Variants in ELP2 observed in about 807,000 individuals in gnomAD.
ELP2 encodes elongator acetyltransferase complex subunit 2, also known as elongator complex protein 2.
In ELP2, 90 loss-of-function variants were observed where a neutral mutation model predicts 119.2. That is an observed-to-expected ratio of 0.75 (90% CI 0.64 to 0.90). ELP2 has a LOEUF of 0.90. ELP2 is among the 40% of genes least tolerant of loss of function. The pLI is 0.00. For missense variants in ELP2, 921 were observed against 967.8 expected (o/e 0.95, Z 0.64); for synonymous variants, 339 against 331.0 (o/e 1.02, Z -0.26).
chr18:36,133,896 GGTT>G (rs1598733752), intron 2 of ELP2, among the ~76,000 whole-genome samples: 1 of 114,754 alleles, frequency 8.7e-6, no homozygotes, highest in East Asian at 2.3e-4. Flanking sequence ...GTTTTTTAGG[GGTT>G]TTTTTTTTTT....
rs769016483 is a variant in ELP2 at position 36,159,983 on chromosome 18, G to A, written c.1656G>A (p.Leu552=). 8 of 1,613,942 alleles carry A rather than the reference G, an allele frequency of 5.0e-6. No homozygotes were observed. The highest frequency in any genetic ancestry group is 4.0e-5 in the African/African-American group (3 of 74,920). The part of the protein sequence containing the change: ...LTEPPTEDHL[L]QNTLWPEVQK... ...AGCCTCCCACTGAGGATCATCTTCT[G>A]CAGAATACTTTGTGGCCTGAAGTTC... The change falls in exon 16 of 22, where the codon CTG becomes CTA. Residue 552 remains leucine (L), a synonymous_variant. Transcript: ENST00000358232.
At chr18:36,165,896 T>G (rs2090880864) in intron 18 of ELP2, among the ~76,000 whole-genome samples, 1 of 151,128 alleles carries the variant, frequency 6.6e-6, no homozygotes, top group Non-Finnish European at 1.5e-5. Flanking sequence ...AAATAAAAAA[T>G]AAGTTAAAGT....
rs1239631733 is a variant in ELP2 at position 36,149,478 on chromosome 18, G to GTTTTTTTTTTTT, written c.1125+3101_1125+3102insTTTTTTTTTTTT. ...TAGAAACATAGTTGCAGGGTTTTTTGTTTTGTTTTGTTTTTTTTTTTTTTG... is the reference window on the plus strand; with the variant it reads ...TAGAAACATAGTTGCAGGGTTTTTTGTTTTTTTTTTTTTTTTGTTTTGTTTTTTTTTTTTTTG... On this transcript the variant is annotated intron_variant, in intron 11 of 21. Transcript: ENST00000358232. Among the ~76,000 whole-genome samples the GTTTTTTTTTTTT allele has an allele frequency of 1.6e-3, 100 of 64,448 alleles. 1 individual carries two copies. The highest frequency in any genetic ancestry group is 2.7e-3 in the South Asian group (6 of 2,226). 42.3% of individuals were successfully genotyped at this position (64,448 alleles called of 152,430 possible).
chr18:36,132,779 G>T (rs533927396), intron 1 of ELP2, among the ~76,000 whole-genome samples: 1 of 152,130 alleles, frequency 6.6e-6, no homozygotes, highest in Non-Finnish European at 1.5e-5. Flanking sequence ...AGTGAACTGT[G>T]CTTGTACCCA....
In ELP2 at chr18:36,160,544, C is replaced by T. The variant is rs367581072; in HGVS notation, c.1689-388C>T. Among the ~76,000 whole-genome samples, 9 of 151,326 alleles carry T rather than the reference C, an allele frequency of 5.9e-5. No individual in the cohort carries two copies. The East Asian group carries it at 1.6e-3, about 26-fold the overall frequency. The stretch of plus-strand genomic sequence containing the variant: ...AGTGAGCCATGATTGCACCACTGCA[C>T]CCCAGCCTGGGTGACAGAATGAGAC... On this transcript the variant is annotated intron_variant, in intron 16 of 21. Coordinates refer to ENST00000358232, the MANE Select transcript of ELP2 (RefSeq NM_018255.4).
rs1184212856 is a variant in ELP2 at position 36,180,050 on chromosome 18, C to G, written c.*5409C>G. ...TTTATTTCTCTCATATGAAAGGAGTCAAGGCAGACAGACCAGGATGGGGAG... is the reference window on the plus strand; with the variant it reads ...TTTATTTCTCTCATATGAAAGGAGTGAAGGCAGACAGACCAGGATGGGGAG... On this transcript the variant is annotated 3_prime_UTR_variant, in exon 22 of 22. Transcript: ENST00000358232. 1.3e-5 allele frequency: 2 copies of G among 152,244 alleles called. No homozygotes were observed. The highest frequency in any genetic ancestry group is 6.5e-5 in the Admixed American group (1 of 15,282). 9.4% of individuals were successfully genotyped at this position (152,244 alleles called of 1,614,324 possible). A position where few individuals can be genotyped will look rare whatever the true frequency, so the allele number is the denominator to read the frequency against.
Position 36,174,570 on chromosome 18 carries a change from T to C in ELP2, c.2410T>C (p.Trp804Arg), listed in dbSNP as rs1406423546. The change falls in exon 22 of 22, where the codon TGG (tryptophan) becomes CGG (arginine). Residue 804 changes from tryptophan (W) to arginine (R), a missense_variant. Physicochemically the swap from Trp to Arg is moderately radical, Grantham distance 101. Coordinates refer to ENST00000358232, the MANE Select transcript of ELP2 (RefSeq NM_018255.4). ...TEQKEAEGAE[W>R]LHFASCGEDH... The stretch of plus-strand genomic sequence containing the variant: ...ACAGAAGGAAGCAGAAGGTGCTGAG[T>C]GGTTACACTTTGCAAGCTGTGGTGA... The C allele has an allele frequency of 6.2e-7, 1 of 1,614,130 alleles. No homozygotes were observed. The highest frequency in any genetic ancestry group is 2.2e-5 in the East Asian group (1 of 44,876).
intron 5 of ELP2, among the ~76,000 whole-genome samples, chr18:36,140,666 T>TTA (rs1475061612): frequency 6.6e-6 from 1 of 152,164 alleles, no homozygotes; most frequent in African/African-American, 2.4e-5. Flanking sequence ...TTATTTTGTT[T>TTA]TAAACAAAAT....
intron 5 of ELP2, chr18:36,139,314 CAG>C: frequency 8.8e-7 from 1 of 1,133,834 alleles, no homozygotes; most frequent in Non-Finnish European, 1.2e-6. Context: ...AATCTGCAAA[CAG>C]AAAAATTTCC....
intron 11 of ELP2, among the ~76,000 whole-genome samples, chr18:36,151,246 G>A (rs2090390028): frequency 6.6e-6 from 1 of 151,770 alleles, no homozygotes; most frequent in East Asian, 2.0e-4. Context: ...CGCCATGCCC[G>A]GCTAATTTCT....
rs747181336 is a variant in ELP2 at position 36,171,011 on chromosome 18, A to G, written c.2211-36A>G. ...ATGACGAAGATAACAATTTCATGCT[A>G]AGTTAATCACTGTTGTCCCCCTCCC... is the stretch of plus-strand genomic sequence containing the variant. On this transcript the variant is annotated intron_variant, in intron 20 of 21. Transcript: ENST00000358232. 2.0e-5 allele frequency: 28 copies of G among 1,382,908 alleles called. No individual in the cohort carries two copies. The African/African-American group carries it at 3.3e-4, about 16-fold the overall frequency. 85.7% of individuals were successfully genotyped at this position (1,382,908 alleles called of 1,614,324 possible).
Position 36,167,173 on chromosome 18 carries a change from AT to A in ELP2, c.2029del (p.Trp677GlyfsTer47), listed in dbSNP as rs1290719173. 6.3e-7 allele frequency: 1 copy of A among 1,599,220 alleles called. No homozygotes were observed. Among genetic ancestry groups the A allele is most frequent in the Non-Finnish European group, 8.5e-7 (1 of 1,171,950 alleles). Reference protein sequence around the residue: ...SVHSRIIWSCDWSPDSKYFFT... With the variant: ...SVHSRIIWSCXWSPDSKYFFT... ...CACAGTAGAATTATTTGGTCTTGTG[AT>A]TGGAGTCCTGACAGCAAGTATTTCT... On this transcript the variant is annotated frameshift_variant, in exon 19 of 22. Coordinates refer to ENST00000358232, the MANE Select transcript of ELP2 (RefSeq NM_018255.4). LOFTEE classifies it high-confidence loss of function.
At chr18:36,138,597 T>A in intron 4 of ELP2, 171 bp downstream of exon 4, 1 of 907,212 alleles carries the variant, frequency 1.1e-6, no homozygotes, top group South Asian at 1.6e-5. Context: ...ATACCAAGAC[T>A]TTTTCATGTA....
Position 36,177,132 on chromosome 18 carries a change from A to G in ELP2, c.*2491A>G, listed in dbSNP as rs567386337. ...GTAACTTATGAAATACATAAAAAATATGATGGGTGGAGTGACGGACACATG... is the reference window on the plus strand; with the variant it reads ...GTAACTTATGAAATACATAAAAAATGTGATGGGTGGAGTGACGGACACATG... On this transcript the variant is annotated 3_prime_UTR_variant, in exon 22 of 22. Transcript: ENST00000358232. 1.8e-4 allele frequency: 28 copies of G among 152,074 alleles called. No individual in the cohort carries two copies. The highest frequency in any genetic ancestry group is 3.7e-4 in the Non-Finnish European group (25 of 68,024). The allele number at this position is 152,074 out of a possible 1,614,324, so 9.4% of individuals were successfully genotyped here. A position where few individuals can be genotyped will look rare whatever the true frequency, so the allele number is the denominator to read the frequency against.
intron 1 of ELP2, among the ~76,000 whole-genome samples, chr18:36,132,665 GC>G (rs2089676959): frequency 6.6e-6 from 1 of 152,176 alleles, no homozygotes; most frequent in Non-Finnish European, 1.5e-5. Context: ...CTGGCAATAG[GC>G]CCTGCAGGAA....
intron 11 of ELP2, among the ~76,000 whole-genome samples, 172 bp downstream of exon 11, chr18:36,146,553 A>G (rs1272256894): frequency 6.6e-6 from 1 of 152,200 alleles, no homozygotes; most frequent in Non-Finnish European, 1.5e-5. Flanking sequence ...ATGTAGGTAA[A>G]TTTGCTACGT....
At chr18:36,144,774 G>T (rs2090145581) in intron 8 of ELP2, among the ~76,000 whole-genome samples, 165 bp from the exon 9 acceptor site, 1 of 152,164 alleles carries the variant, frequency 6.6e-6, no homozygotes, top group South Asian at 2.1e-4. Context: ...TTGAACAGCA[G>T]TTGAGGTTGA....
Position 36,129,924 on chromosome 18 carries a change from A to G in ELP2, c.-10A>G, listed in dbSNP as rs891337307. On this transcript the variant is annotated 5_prime_UTR_variant, in exon 1 of 22. Coordinates refer to ENST00000358232, the MANE Select transcript of ELP2 (RefSeq NM_018255.4). ...GCGTCTCTTGTTTGTGCGGCTGACC[A>G]GTTGGCGACATGGTGGCACCCGTGC... 6.2e-7 allele frequency: 1 copy of G among 1,614,196 alleles called. No individual in the cohort carries two copies. Among genetic ancestry groups the G allele is most frequent in the African/African-American group, 1.3e-5 (1 of 75,050 alleles).
chr18:36,156,758 G>T, intron 13 of ELP2, 104 bp downstream of exon 13: 1 of 1,039,306 alleles, frequency 9.6e-7, no homozygotes, highest in Non-Finnish European at 1.4e-6. Flanking sequence ...TAGAAAGAAA[G>T]TAATATTGTT....
Sources: allele counts gnomAD v4.1 joint callset (sites outside exome capture counted in the v4.1 genomes callset), GRCh38; gene constraint gnomAD v4.1.1; transcripts MANE v1.5; gene names NCBI Gene and HGNC (gene_info 2026-07-23, HGNC 2026-07-21).